The following PSME4 variants were observed in gnomAD, a reference collection of about 807,000 sequenced individuals.
The protein encoded by PSME4 is proteasome activator subunit 4.
A neutral mutation model predicts 253.9 loss-of-function variants in PSME4; 89 were observed. The ratio of observed to expected loss-of-function variants is 0.35; its 90% CI spans 0.30 to 0.42. The LOEUF is 0.42. Among genes scored for constraint, PSME4 ranks in the 10% least tolerant of loss-of-function variants. PSME4 has a pLI of 1.00. For missense variants in PSME4, 2,014 were observed against 2,195.2 expected (o/e 0.92, Z 1.65); for synonymous variants, 851 against 759.2 (o/e 1.12, Z -1.99).
At chr2:53,911,097 T>C (rs1024838474) in intron 20 of PSME4, among the ~76,000 whole-genome samples, 1 of 152,178 alleles carries the variant, frequency 6.6e-6, no homozygotes, top group Non-Finnish European at 1.5e-5. Context: ...ATCTCTACCT[T>C]AATATTTGAC....
At position 53,899,864 on chromosome 2, in the gene PSME4, C is replaced by T. The variant is rs1418097030; in HGVS notation, c.3422+17G>A. The T allele has an allele frequency of 1.1e-5, 18 of 1,610,590 alleles. No individual in the cohort carries two copies. The highest frequency in any genetic ancestry group is 1.5e-5 in the Non-Finnish European group (18 of 1,178,796). ...ATCTATAATGTCATCTATTGAAGTA[C>T]ACCATTCATCAATTACCTTAGGGCA... On this transcript the variant is annotated intron_variant, in intron 29 of 46. Coordinates refer to ENST00000404125, the MANE Select transcript of PSME4 (RefSeq NM_014614.3).
chr2:53,940,004 G>A lies in PSME4; in HGVS notation c.501-4C>T. Reference sequence around the variant, plus strand: ...TTTGAGAATATTTTCTACAGAACTGGGGGGGGAAAGCCATTTGATAATTAG... The same window carrying A: ...TTTGAGAATATTTTCTACAGAACTGAGGGGGGAAAGCCATTTGATAATTAG... On this transcript the variant is annotated splice_region_variant and splice_polypyrimidine_tract_variant and intron_variant, in intron 3 of 46. Transcript: ENST00000404125. The A allele has an allele frequency of 1.9e-6, 3 of 1,570,844 alleles. No individual in the cohort carries two copies. The highest frequency in any genetic ancestry group is 2.6e-6 in the Non-Finnish European group (3 of 1,149,786).
rs933547021 is a variant in PSME4, at chr2:53,890,203, C to T, written c.4197G>A (p.Glu1399=). 1 of 1,609,384 alleles carries T rather than the reference C, an allele frequency of 6.2e-7. No homozygotes were observed. The highest frequency in any genetic ancestry group is 8.5e-7 in the Non-Finnish European group (1 of 1,178,256). The part of the protein sequence containing the change: ...GSKHWTFEKV[E]KLWELLCPLL... ...GAGGGCACAGAAGCTCCCAAAGCTTCTCCACCTACTCAAAACAAAATATAT... is the reference window on the plus strand; with the variant it reads ...GAGGGCACAGAAGCTCCCAAAGCTTTTCCACCTACTCAAAACAAAATATAT... The change falls in exon 37 of 47, where the codon GAG becomes GAA. Residue 1399 remains glutamate (E), a synonymous_variant. Coordinates refer to ENST00000404125, the MANE Select transcript of PSME4 (RefSeq NM_014614.3).
chr2:53,869,293 A>C, intron 44 of PSME4, 83 bp downstream of exon 44: 1 of 1,334,998 alleles, frequency 7.5e-7, no homozygotes, highest in South Asian at 1.8e-5. Context: ...CATACATACA[A>C]GTTATTCAAT....
chr2:53,893,653 A>G, intron 35 of PSME4, 21 bp downstream of exon 35: 2 of 1,604,444 alleles, frequency 1.2e-6, no homozygotes, highest in Non-Finnish European at 1.7e-6. Context: ...TACAAAGAGG[A>G]TATGTAAACA....
In PSME4 at chr2:53,938,128, CAG is replaced by C. The variant is rs1160118314; in HGVS notation, c.546-590_546-589del. ...TCACTCAGTTACCTATAAAATTAAA[CAG>C]AGTTTTTGTCTTACTTCCTTTGTGC... On this transcript the variant is annotated intron_variant, in intron 4 of 46. Coordinates refer to ENST00000404125, the MANE Select transcript of PSME4 (RefSeq NM_014614.3). Among the ~76,000 whole-genome samples the C allele has an allele frequency of 2.6e-5, 4 of 151,914 alleles. 1 individual carries two copies. The highest frequency in any genetic ancestry group is 2.6e-4 in the Admixed American group (4 of 15,232).
intron 41 of PSME4, among the ~76,000 whole-genome samples, chr2:53,877,948 T>C (rs1048487828): frequency 2.0e-5 from 3 of 152,234 alleles, no homozygotes; most frequent in African/African-American, 7.2e-5. Flanking sequence ...TACTGAGTTA[T>C]ATGTTTCCAC....
chr2:53,940,936 TATA>T (rs1558413439), intron 3 of PSME4, among the ~76,000 whole-genome samples: 8 of 53,644 alleles, frequency 1.5e-4, no homozygotes, highest in African/African-American at 6.5e-4. Context: ...ATAATACATA[TATA>T]AATATATATA....
intron 40 of PSME4, among the ~76,000 whole-genome samples, chr2:53,886,943 T>C (rs189090526): frequency 1.9e-4 from 29 of 152,260 alleles, no homozygotes; most frequent in African/African-American, 6.0e-4. Context: ...GTGACCTACC[T>C]AGAATGGGCA....
Position 53,923,355 on chromosome 2 carries a change from C to A in PSME4, c.1874G>T (p.Arg625Leu), listed in dbSNP as rs776759156. ...AGCGCGGCACATGTCTGCCACCATG[C>A]GACCTGCTACTCTTGTTTCAAATAT... ...SHIFETRVAG[R>L]MVADMCRAAV... Residue 625 changes from arginine (R) to leucine (L), a missense_variant, in exon 15 of 47, where the codon CGC becomes CTC. Transcript: ENST00000404125. 17 of 1,610,500 alleles carry A rather than the reference C, an allele frequency of 1.1e-5. No homozygotes were observed. Among genetic ancestry groups the A allele is most frequent in the Non-Finnish European group, 1.4e-5 (16 of 1,179,034 alleles).
At chr2:53,910,431 TAAAGA>T (rs1485027181) in intron 20 of PSME4, among the ~76,000 whole-genome samples, 1 of 152,182 alleles carries the variant, frequency 6.6e-6, no homozygotes, top group Admixed American at 6.5e-5. Flanking sequence ...AACCTTTACA[TAAAGA>T]AAAGTCAGCT....
Position 53,970,669 on chromosome 2 carries a change from G to T in PSME4, c.116C>A (p.Pro39His). 1 of 1,550,276 alleles carries T rather than the reference G, an allele frequency of 6.5e-7. No individual in the cohort carries two copies. Among genetic ancestry groups the T allele is most frequent in the Non-Finnish European group, 8.7e-7 (1 of 1,146,910 alleles). ...CTCGGCGTCTAGCCGCTCCGCGTAG[G>T]GCAGCAGCTTGTTGTAGACGATCTC... ...QKEIVYNKLLPYAERLDAESD... is the reference protein window; with the variant it reads ...QKEIVYNKLLHYAERLDAESD... The change falls in exon 1 of 47, where the codon CCC becomes CAC. Residue 39 changes from proline to histidine, a missense_variant. Physicochemically the swap from Pro to His is moderately conservative, Grantham distance 77. Coordinates refer to ENST00000404125, the MANE Select transcript of PSME4 (RefSeq NM_014614.3).
At chr2:53,935,610 A>C (rs1387551141) in intron 7 of PSME4, among the ~76,000 whole-genome samples, 1 of 152,212 alleles carries the variant, frequency 6.6e-6, no homozygotes, top group East Asian at 1.9e-4. Context: ...CACAAAATCC[A>C]TTGGAAGGTA....
Position 53,876,716 on chromosome 2 carries a change from C to T in PSME4, c.4816-961G>A, listed in dbSNP as rs116709496. 2.7e-3 allele frequency among the ~76,000 whole-genome samples: 263 copies of T among 97,804 alleles called. 3 individuals carry two copies. The East Asian group carries it at 0.045, about 17-fold the overall frequency. 64.2% of individuals were successfully genotyped at this position (97,804 alleles called of 152,430 possible). A position where few individuals can be genotyped will look rare whatever the true frequency, so the allele number is the denominator to read the frequency against. On this transcript the variant is annotated intron_variant, in intron 41 of 46. Coordinates refer to ENST00000404125, the MANE Select transcript of PSME4 (RefSeq NM_014614.3). ...TCTGATGGCTGTAGCCACTGTCATT[C>T]TTTTTTTTTTTTTTTTTTTTGAGAC...
chr2:53,913,085 GTA>G (rs1553412101), intron 20 of PSME4, among the ~76,000 whole-genome samples: 2 of 152,020 alleles, frequency 1.3e-5, no homozygotes, highest in Non-Finnish European at 2.9e-5. Flanking sequence ...ACAAACCATA[GTA>G]TCATTTAACC....
intron 20 of PSME4, among the ~76,000 whole-genome samples, chr2:53,915,669 A>G (rs947818542): frequency 6.6e-6 from 1 of 152,134 alleles, no homozygotes; most frequent in Non-Finnish European, 1.5e-5. Flanking sequence ...GAAGACAAAG[A>G]CTACTAATAC....
intron 8 of PSME4, 70 bp downstream of exon 8, chr2:53,934,535 T>C (rs1334721426): frequency 6.7e-7 from 1 of 1,487,190 alleles, no homozygotes; most frequent in Non-Finnish European, 9.1e-7. Context: ...TCTGCGACTA[T>C]CCACAATTTT....
intron 26 of PSME4, among the ~76,000 whole-genome samples, chr2:53,905,617 G>A (rs1199342737): frequency 6.6e-6 from 1 of 152,114 alleles, no homozygotes; most frequent in African/African-American, 2.4e-5. Context: ...TAAGACGATC[G>A]CTTGAGCTCA....
intron 14 of PSME4, among the ~76,000 whole-genome samples, chr2:53,923,904 C>T (rs1668440387): frequency 1.0e-5 from 1 of 99,940 alleles, no homozygotes; most frequent in African/African-American, 4.3e-5. Flanking sequence ...GCCCAGGTGA[C>T]AGAGTTAACA....
Sources: allele counts gnomAD v4.1 joint callset (sites outside exome capture counted in the v4.1 genomes callset), GRCh38; gene constraint gnomAD v4.1.1; transcripts MANE v1.5; gene names NCBI Gene and HGNC (gene_info 2026-07-23, HGNC 2026-07-21).